The following EMSY variants were observed in gnomAD, a reference collection of about 807,000 sequenced individuals.
EMSY encodes the protein EMSY transcriptional repressor, BRCA2 interacting, also known as BRCA2-interacting transcriptional repressor EMSY.
In EMSY, 26 loss-of-function variants were observed where a neutral mutation model predicts 134.6. The observed-to-expected ratio is 0.19, with a 90% CI of 0.14 to 0.27. The LOEUF (loss-of-function observed/expected upper bound fraction) is 0.27. EMSY is among the 10% of genes least tolerant of loss of function. EMSY has a pLI of 1.00. For synonymous variants in EMSY, 579 were observed against 577.8 expected (o/e 1.00, Z -0.03); for missense variants, 1,305 against 1,611.4 (o/e 0.81, Z 3.26).
At chr11:76,523,280 C>G in exon 12 of EMSY, 2 of 1,612,350 alleles carry the variant, frequency 1.2e-6, no homozygotes, top group Non-Finnish European at 8.5e-7. Context: ...CACAACGTTG[C>G]TAAATGCTGG....
intron 9 of EMSY, among the ~76,000 whole-genome samples, chr11:76,505,755 G>T (rs1412834930): frequency 6.6e-6 from 1 of 152,038 alleles, no homozygotes; most frequent in Non-Finnish European, 1.5e-5. Context: ...TACTTGGGAG[G>T]CTGAGGCAGG....
chr11:76,499,204 G>A (rs563491504), intron 9 of EMSY, among the ~76,000 whole-genome samples: 2 of 147,284 alleles, frequency 1.4e-5, no homozygotes, highest in Non-Finnish European at 1.5e-5. Flanking sequence ...CAAGTGATCC[G>A]CCCACCTCAG....
chr11:76,469,911 A>C (rs889720780), intron 7 of EMSY, among the ~76,000 whole-genome samples: 1 of 152,176 alleles, frequency 6.6e-6, no homozygotes, highest in Non-Finnish European at 1.5e-5. Context: ...AAGTCTATCT[A>C]TAAATATGCT....
intron 9 of EMSY, chr11:76,496,699 T>C: frequency 1.7e-6 from 1 of 580,792 alleles, no homozygotes; most frequent in Non-Finnish European, 3.1e-6. Flanking sequence ...TTAATTTCAA[T>C]GTCTACATGT....
At chr11:76,478,340 ATTTTT>A (rs371584435) in intron 8 of EMSY, among the ~76,000 whole-genome samples, 1 of 122,572 alleles carries the variant, frequency 8.2e-6, no homozygotes, top group Non-Finnish European at 1.7e-5. Context: ...CATGTGAATA[ATTTTT>A]TTTTTTTTTT....
At chr11:76,516,809 A>G (rs1421854246) in intron 11 of EMSY, 1 of 152,186 alleles carries the variant, frequency 6.6e-6, no homozygotes. Flanking sequence ...ATGTCACTTT[A>G]GTTTATTAAA....
chr11:76,463,322 TA>T (rs1948204127), intron 6 of EMSY, among the ~76,000 whole-genome samples: 1 of 147,792 alleles, frequency 6.8e-6, no homozygotes, highest in African/African-American at 2.5e-5. Context: ...GACTTTGTCT[TA>T]AAAGAAAGGA....
chr11:76,500,954 C>T (rs1199190944), intron 9 of EMSY, among the ~76,000 whole-genome samples: 1 of 152,162 alleles, frequency 6.6e-6, no homozygotes, highest in Non-Finnish European at 1.5e-5. Context: ...GCTTCCAGGA[C>T]CCTGTTGATA....
chr11:76,549,379 TAAAG>T (rs1463570883), intron 20 of EMSY, among the ~76,000 whole-genome samples: 1 of 152,106 alleles, frequency 6.6e-6, no homozygotes, highest in Non-Finnish European at 1.5e-5. Context: ...GGATGTCTAA[TAAAG>T]AGGAAAAAGA....
At chr11:76,484,488 A>G (rs1203276303) in intron 8 of EMSY, among the ~76,000 whole-genome samples, 1 of 152,234 alleles carries the variant, frequency 6.6e-6, no homozygotes, top group African/African-American at 2.4e-5. Context: ...GATTAACAAG[A>G]TAGAAAGACT....
chr11:76,549,847 C>A, intron 20 of EMSY, 105 bp from the exon 22 acceptor site: 1 of 1,069,242 alleles, frequency 9.4e-7, no homozygotes, highest in Non-Finnish European at 1.3e-6. Flanking sequence ...GTCCAGTTGT[C>A]CAAAAAATGT....
intron 8 of EMSY, among the ~76,000 whole-genome samples, chr11:76,492,128 T>A (rs918623474): frequency 1.3e-5 from 2 of 152,254 alleles, no homozygotes; most frequent in African/African-American, 4.8e-5. Flanking sequence ...GATTAAGTAC[T>A]TTAATCAGGT....
exon 4 of EMSY, chr11:76,453,374 A>T (rs1458002157): frequency 7.4e-6 from 12 of 1,612,858 alleles, no homozygotes. Context: ...AACGGTTAAC[A>T]ACAATTGCAC....
intron 8 of EMSY, among the ~76,000 whole-genome samples, chr11:76,491,432 T>C (rs1202888391): frequency 1.3e-5 from 2 of 152,108 alleles, no homozygotes; most frequent in Non-Finnish European, 2.9e-5. Flanking sequence ...TCCTCCTGCC[T>C]AGCCTCCCAA....
At chr11:76,490,564 T>C (rs541161446) in intron 8 of EMSY, among the ~76,000 whole-genome samples, 8 of 152,338 alleles carry the variant, frequency 5.3e-5, no homozygotes, top group African/African-American at 1.9e-4. Flanking sequence ...AAAAGAGTAC[T>C]TCTATTTCCT....
chr11:76,479,933 C>G (rs1412510977), intron 8 of EMSY, among the ~76,000 whole-genome samples: 1 of 152,162 alleles, frequency 6.6e-6, no homozygotes, highest in East Asian at 1.9e-4. Context: ...AAAGATCTAT[C>G]ATGATGAACT....
intron 8 of EMSY, among the ~76,000 whole-genome samples, chr11:76,494,104 C>T (rs547162919): frequency 6.6e-6 from 1 of 152,388 alleles, no homozygotes; most frequent in East Asian, 1.9e-4. Flanking sequence ...AGCTTGGCAT[C>T]TCTGCCAGTG....
exon 7 of EMSY, chr11:76,464,058 C>A: frequency 6.2e-7 from 1 of 1,614,224 alleles, no homozygotes; most frequent in Middle Eastern, 1.6e-4. Context: ...TCAACACAGA[C>A]AACAAACACA....
At chr11:76,445,378 ACTCT>A (rs758182849) in intron 1 of EMSY, among the ~76,000 whole-genome samples, 1 of 149,548 alleles carries the variant, frequency 6.7e-6, no homozygotes, top group African/African-American at 2.5e-5. Flanking sequence ...CCGCTGGCTT[ACTCT>A]CTCTCGGTTG....
Sources: gnomAD v4.1 joint callset for allele counts (sites outside exome capture counted in the v4.1 genomes callset) on GRCh38, gnomAD v4.1.1 for gene constraint, MANE v1.5 for transcripts, NCBI Gene and HGNC (gene_info 2026-07-23, HGNC 2026-07-21) for gene names.